FUT8: variants seen among roughly 807,000 people sequenced by gnomAD.
The protein encoded by FUT8 is fucosyltransferase 8, also known as alpha-(1,6)-fucosyltransferase.
A neutral mutation model predicts 71.3 loss-of-function variants in FUT8; 29 were observed. That is an observed-to-expected ratio of 0.41 (90% CI 0.30 to 0.55). The LOEUF (loss-of-function observed/expected upper bound fraction) is 0.55, where lower values mean the gene tolerates loss of function less well. Ranked by LOEUF, FUT8 falls within the 20% of genes least tolerant of loss-of-function variation. The probability of loss-of-function intolerance (pLI) is 0.34; values close to 1 mark genes in which losing one functional copy is unlikely to be tolerated. For synonymous variants in FUT8, 254 were observed against 239.3 expected (o/e 1.06, Z -0.57); for missense variants, 544 against 702.1 (o/e 0.77, Z 2.55).
intron 7 of FUT8, among the ~76,000 whole-genome samples, chr14:65,696,181 T>C (rs1361788152): frequency 6.6e-6 from 1 of 152,202 alleles, no homozygotes; most frequent in Admixed American, 6.5e-5. Flanking sequence ...TATACCTCTC[T>C]AACACTCTTC....
At chr14:65,554,235 C>T (rs1481812721) in intron 2 of FUT8, among the ~76,000 whole-genome samples, 1 of 151,786 alleles carries the variant, frequency 6.6e-6, no homozygotes, top group Non-Finnish European at 1.5e-5. Context: ...TTTAGCATTT[C>T]TTCTTTGCCG....
chr14:65,538,589 C>T (rs1003368140), intron 2 of FUT8, among the ~76,000 whole-genome samples: 7 of 152,234 alleles, frequency 4.6e-5, no homozygotes, highest in Middle Eastern at 3.4e-3. Flanking sequence ...AAAGACCCCA[C>T]CATATCCCTG....
Position 65,719,997 on chromosome 14 carries a change from A to C in FUT8, c.836-1778A>C, listed in dbSNP as rs557474595. Among the ~76,000 whole-genome samples the C allele has an allele frequency of 4.1e-4, 62 of 152,334 alleles. 1 individual carries two copies. Among genetic ancestry groups the C allele is most frequent in the Admixed American group, 3.3e-4 (5 of 15,304 alleles). Reference sequence around the variant, plus strand: ...TGTTGGCTCAAAGTTCTAGGGCTCTATAATGAGCAGGTGGCAAAGCCAGTC... The same window carrying C: ...TGTTGGCTCAAAGTTCTAGGGCTCTCTAATGAGCAGGTGGCAAAGCCAGTC... On this transcript the variant is annotated intron_variant, in intron 7 of 10. Transcript: ENST00000673929.
chr14:65,704,262 C>G (rs1022470965), intron 7 of FUT8, among the ~76,000 whole-genome samples: 6 of 152,102 alleles, frequency 3.9e-5, no homozygotes, highest in African/African-American at 1.2e-4. Flanking sequence ...GATGGCATAC[C>G]TGCTTATTCT....
chr14:65,611,562 A>G (rs1019221062), intron 3 of FUT8, among the ~76,000 whole-genome samples: 1 of 151,996 alleles, frequency 6.6e-6, no homozygotes, highest in African/African-American at 2.4e-5. Context: ...GCTACAATAT[A>G]TAATCTGCAG....
chr14:65,446,678 CTT>C (rs11378151), intron 1 of FUT8, among the ~76,000 whole-genome samples: 4 of 134,260 alleles, frequency 3.0e-5, no homozygotes, highest in African/African-American at 5.5e-5. Flanking sequence ...TGTTTTAGGG[CTT>C]TTTTTTTTTT....
intron 10 of FUT8, among the ~76,000 whole-genome samples, chr14:65,738,913 C>T (rs889162075): frequency 3.3e-5 from 5 of 152,068 alleles, no homozygotes; most frequent in African/African-American, 1.2e-4. Context: ...ATTCATTCAA[C>T]AGATACTTAT....
At chr14:65,470,299 G>A (rs1295131312) in intron 2 of FUT8, among the ~76,000 whole-genome samples, 1 of 152,230 alleles carries the variant, frequency 6.6e-6, no homozygotes, top group Non-Finnish European at 1.5e-5. Flanking sequence ...AGCACACGGA[G>A]GCCTGGGTCC....
chr14:65,395,420 C>T, the FUT8 span, among the ~76,000 whole-genome samples: 2 of 152,252 alleles, frequency 1.3e-5, no homozygotes, highest in Non-Finnish European at 2.9e-5. Context: ...GCCTGGACAT[C>T]CACACACTTC....
intron 2 of FUT8, among the ~76,000 whole-genome samples, chr14:65,458,541 T>C (rs990941529): frequency 2.6e-5 from 4 of 152,298 alleles, no homozygotes; most frequent in East Asian, 1.9e-4. Context: ...TTATTTGTTA[T>C]AGAAATAAAA....
At chr14:65,368,805 A>G in the FUT8 span, among the ~76,000 whole-genome samples, 3 of 151,458 alleles carry the variant, frequency 2.0e-5, no homozygotes, top group Non-Finnish European at 4.4e-5. Context: ...TACAGGCATG[A>G]GCCACCGCGC....
intron 1 of FUT8, among the ~76,000 whole-genome samples, chr14:65,453,519 G>C (rs549020706): frequency 6.6e-6 from 1 of 152,258 alleles, no homozygotes; most frequent in African/African-American, 2.4e-5. Flanking sequence ...TTGAGGATCA[G>C]ATTGTCCTTT....
chr14:65,630,044 G>A (rs994166372), intron 6 of FUT8, among the ~76,000 whole-genome samples: 4 of 152,176 alleles, frequency 2.6e-5, no homozygotes, highest in Admixed American at 2.0e-4. Flanking sequence ...ACCAGCTGGA[G>A]GTTATCAGCT....
intron 2 of FUT8, among the ~76,000 whole-genome samples, chr14:65,545,105 C>T (rs1884912908): frequency 6.6e-6 from 1 of 151,884 alleles, no homozygotes; most frequent in Non-Finnish European, 1.5e-5. Flanking sequence ...TTTCAGCTAG[C>T]ATTAAAGGAC....
chr14:65,382,903 CT>C, the FUT8 span, among the ~76,000 whole-genome samples: 6 of 148,372 alleles, frequency 4.0e-5, no homozygotes, highest in African/African-American at 9.9e-5. Context: ...TGCCCCAAAT[CT>C]TTTTTTTTTG....
chr14:65,564,460 G>A (rs530260673), intron 3 of FUT8, among the ~76,000 whole-genome samples: 12 of 152,048 alleles, frequency 7.9e-5, no homozygotes, highest in South Asian at 6.2e-4. Context: ...TTTAAATATC[G>A]TATCTTGGAG....
intron 1 of FUT8, among the ~76,000 whole-genome samples, chr14:65,447,729 C>T (rs2065764482): frequency 6.6e-6 from 1 of 152,046 alleles, no homozygotes; most frequent in African/African-American, 2.4e-5. Flanking sequence ...CTTTTCATCT[C>T]AGAATTTTAG....
intron 2 of FUT8, among the ~76,000 whole-genome samples, chr14:65,518,762 C>G (rs1594727544): frequency 6.6e-6 from 1 of 152,112 alleles, no homozygotes; most frequent in East Asian, 1.9e-4. Flanking sequence ...TCAAGTGATT[C>G]ACCTGCTTTG....
At chr14:65,476,127 A>G (rs1459531949) in intron 2 of FUT8, among the ~76,000 whole-genome samples, 1 of 152,160 alleles carries the variant, frequency 6.6e-6, no homozygotes, top group Non-Finnish European at 1.5e-5. Context: ...ACACTATAGG[A>G]TATTAGAACT....
Sources: gnomAD v4.1 joint callset for allele counts (sites outside exome capture counted in the v4.1 genomes callset) on GRCh38, gnomAD v4.1.1 for gene constraint, MANE v1.5 for transcripts, NCBI Gene and HGNC (gene_info 2026-07-23, HGNC 2026-07-21) for gene names.